The following YEATS2 variants were observed in gnomAD, a reference collection of about 807,000 sequenced individuals.
YEATS2 encodes the protein YEATS domain containing 2, also known as YEATS domain-containing protein 2.
Under a neutral mutation model 163.2 loss-of-function variants are expected in YEATS2, and 77 were observed. The ratio of observed to expected loss-of-function variants is 0.47; its 90% confidence interval spans 0.39 to 0.57. YEATS2 has a LOEUF of 0.57. YEATS2 is among the 20% of genes least tolerant of loss of function. The pLI is 0.00. For missense variants in YEATS2, 1,549 were observed against 1,729.8 expected (o/e 0.90, Z 1.85); for synonymous variants, 631 against 645.1 (o/e 0.98, Z 0.33).
chr3:183,737,446 A>T (rs1718460345), intron 8 of YEATS2, among the ~76,000 whole-genome samples: 1 of 152,220 alleles, frequency 6.6e-6, no homozygotes, highest in Non-Finnish European at 1.5e-5. Context: ...AGAGAGAATC[A>T]CTTTAGAGGA....
chr3:183,699,727 A>G (rs1253847307), intron 1 of YEATS2, among the ~76,000 whole-genome samples: 1 of 152,180 alleles, frequency 6.6e-6, no homozygotes, highest in Non-Finnish European at 1.5e-5. Flanking sequence ...CAAGTGAGGT[A>G]GGAGAAAAAG....
intron 15 of YEATS2, among the ~76,000 whole-genome samples, chr3:183,763,940 C>T (rs1470918512): frequency 6.6e-6 from 1 of 152,016 alleles, no homozygotes; most frequent in African/African-American, 2.4e-5. Context: ...GGGTGGCATG[C>T]ACCTGTAATC....
At chr3:183,772,280 T>C in intron 15 of YEATS2, 25 bp from the exon 16 acceptor site, 1 of 1,612,128 alleles carries the variant, frequency 6.2e-7, no homozygotes, top group Non-Finnish European at 8.5e-7. Context: ...CGAAGCACCG[T>C]TGGACTCTGC....
chr3:183,749,361 A>G (rs1211224463), intron 9 of YEATS2, among the ~76,000 whole-genome samples: 1 of 152,178 alleles, frequency 6.6e-6, no homozygotes, highest in African/African-American at 2.4e-5. Context: ...TTATGCAGCC[A>G]TGACCTTAGT....
chr3:183,732,550 AT>A (rs1299744497), intron 7 of YEATS2, among the ~76,000 whole-genome samples: 1 of 151,804 alleles, frequency 6.6e-6, no homozygotes, highest in Non-Finnish European at 1.5e-5. Flanking sequence ...TTAAAATTTT[AT>A]TTTTTATTTT....
At chr3:183,698,291 G>C (rs1713694610) in intron 1 of YEATS2, among the ~76,000 whole-genome samples, 1 of 152,228 alleles carries the variant, frequency 6.6e-6, no homozygotes, top group East Asian at 1.9e-4. Context: ...GGAGCTTTTA[G>C]GATGTTAAGC....
At chr3:183,732,168 C>T (rs532001205) in intron 7 of YEATS2, among the ~76,000 whole-genome samples, 5 of 152,066 alleles carry the variant, frequency 3.3e-5, no homozygotes, top group Admixed American at 1.3e-4. Flanking sequence ...TCCCCAGGGT[C>T]GGCTGGGCAC....
In YEATS2 at chr3:183,809,228, A is replaced by G. The variant is rs148615414; in HGVS notation, c.4160+58A>G. ...CTTACACCTCTTTCCTAACAGTTGA[A>G]TTGCCCATGAAGGTGTTTTATACTT... is the stretch of plus-strand genomic sequence containing the variant. On this transcript the variant is annotated intron_variant, in intron 30 of 30. Transcript: ENST00000305135. 605 of 1,563,572 alleles carry G rather than the reference A, an allele frequency of 3.9e-4. 1 individual carries two copies. The African/African-American group carries it at 7.7e-3, about 20-fold the overall frequency.
intron 19 of YEATS2, among the ~76,000 whole-genome samples, chr3:183,779,925 T>G (rs1000125478): frequency 3.3e-5 from 5 of 151,782 alleles, no homozygotes; most frequent in Non-Finnish European, 7.4e-5. Context: ...CTCGATCTCT[T>G]GACCTCGTGA....
At position 183,728,798 on chromosome 3, in the gene YEATS2, G is replaced by C; in HGVS notation, c.759G>C (p.Lys253Asn). Reference sequence around the variant, plus strand: ...CCAGCATTAATCATTTTGTCAAGAAGGTTTGGTTCTTCCTTCATCCTAGCT... The same window carrying C: ...CCAGCATTAATCATTTTGTCAAGAACGTTTGGTTCTTCCTTCATCCTAGCT... ...REPSINHFVK[K>N]VWFFLHPSYK... Residue 253 changes from lysine to asparagine, a missense_variant, in exon 7 of 31, where the codon AAG (lysine) becomes AAC (asparagine). Physicochemically the swap from Lys to Asn is moderately conservative, Grantham distance 94 (BLOSUM62 0). Coordinates refer to ENST00000305135, the MANE Select transcript of YEATS2 (RefSeq NM_018023.5). 6.2e-7 allele frequency: 1 copy of C among 1,614,084 alleles called. No individual in the cohort carries two copies. Among genetic ancestry groups the C allele is most frequent in the South Asian group, 1.1e-5 (1 of 91,072 alleles).
At chr3:183,792,121 C>T (rs755546463) in intron 21 of YEATS2, among the ~76,000 whole-genome samples, 3 of 151,970 alleles carry the variant, frequency 2.0e-5, no homozygotes, top group Admixed American at 6.6e-5. Flanking sequence ...CTGTGAAAAC[C>T]GAAGATTTTA....
intron 8 of YEATS2, among the ~76,000 whole-genome samples, chr3:183,741,098 G>A (rs924683084): frequency 1.3e-4 from 20 of 151,546 alleles, no homozygotes; most frequent in African/African-American, 7.3e-5. Flanking sequence ...GCCACCACGC[G>A]CGGATAATTT....
intron 20 of YEATS2, among the ~76,000 whole-genome samples, chr3:183,787,266 T>C (rs1425795247): frequency 6.6e-6 from 1 of 152,188 alleles, no homozygotes; most frequent in Non-Finnish European, 1.5e-5. Context: ...ATAACTCCTT[T>C]TAACTTTGTG....
chr3:183,775,652 A>G (rs1045984547), intron 17 of YEATS2, among the ~76,000 whole-genome samples: 3 of 152,184 alleles, frequency 2.0e-5, no homozygotes, highest in African/African-American at 7.2e-5. Context: ...TCCCACGACC[A>G]CGTCAAAGTA....
rs1725871097 is a variant in YEATS2 at position 183,803,319 on chromosome 3, A to G, written c.3566A>G (p.Lys1189Arg). The G allele has an allele frequency of 6.2e-7, 1 of 1,611,182 alleles. No homozygotes were observed. The change falls in exon 26 of 31, where the codon AAA (lysine) becomes AGA (arginine). Residue 1189 changes from lysine to arginine, a missense_variant. By Grantham distance (26) the Lys-to-Arg change is conservative (BLOSUM62 2). Coordinates refer to ENST00000305135, the MANE Select transcript of YEATS2 (RefSeq NM_018023.5). Reference protein sequence around the residue: ...VEQYYGWNIGKRRAAEWQRAM... With the variant: ...VEQYYGWNIGRRRAAEWQRAM... Reference sequence around the variant, plus strand: ...CAGTACTATGGCTGGAACATTGGAAAAAGGAGAGCCGCTGAGGTAACCCAC... The same window carrying G: ...CAGTACTATGGCTGGAACATTGGAAGAAGGAGAGCCGCTGAGGTAACCCAC...
intron 18 of YEATS2, among the ~76,000 whole-genome samples, chr3:183,776,404 C>T (rs1009103462): frequency 4.6e-5 from 7 of 151,822 alleles, no homozygotes; most frequent in African/African-American, 1.7e-4. Flanking sequence ...ATTAGCTGGG[C>T]GTGGTGGTGC....
chr3:183,720,043 T>C (rs1021129868), intron 4 of YEATS2, among the ~76,000 whole-genome samples: 1 of 152,166 alleles, frequency 6.6e-6, no homozygotes, highest in African/African-American at 2.4e-5. Context: ...GGTTATTATA[T>C]ATATTATATA....
At chr3:183,795,980 GTTT>G (rs11287278) in intron 21 of YEATS2, among the ~76,000 whole-genome samples, 7 of 80,396 alleles carry the variant, frequency 8.7e-5, no homozygotes, top group Non-Finnish European at 1.5e-4. Context: ...TTGATGCTGG[GTTT>G]TTTTTTTTTT....
At chr3:183,800,693 C>G (rs1190299617) in intron 24 of YEATS2, 125 bp downstream of exon 24, 1 of 716,712 alleles carries the variant, frequency 1.4e-6, no homozygotes, top group African/African-American at 1.8e-5. Context: ...CTGTCTGTCC[C>G]CGTGCAGTGG....
Sources: allele counts gnomAD v4.1 joint callset (sites outside exome capture counted in the v4.1 genomes callset), GRCh38; gene constraint gnomAD v4.1.1; transcripts MANE v1.5; gene names NCBI Gene and HGNC (gene_info 2026-07-23, HGNC 2026-07-21).